The following QTMAN variants were observed in gnomAD, a reference collection of about 807,000 sequenced individuals.
QTMAN encodes tRNA-queuosine alpha-mannosyltransferase.
chr2:144,034,307 G>T, the QTMAN span, among the ~76,000 whole-genome samples: 1 of 152,156 alleles, frequency 6.6e-6, no homozygotes, highest in Non-Finnish European at 1.5e-5. Flanking sequence ...AAAGCTAGGT[G>T]TTTCATCCAT....
chr2:144,026,123 T>C, the QTMAN span, among the ~76,000 whole-genome samples: 1 of 152,054 alleles, frequency 6.6e-6, no homozygotes, highest in African/African-American at 2.4e-5. Flanking sequence ...GTGCTAAAGG[T>C]AGAAACCACA....
the QTMAN span, among the ~76,000 whole-genome samples, chr2:144,209,720 C>A: frequency 1.3e-5 from 2 of 152,150 alleles, no homozygotes; most frequent in African/African-American, 4.8e-5. Context: ...TAATATACAT[C>A]TCAAATTATA....
the QTMAN span, among the ~76,000 whole-genome samples, chr2:144,063,542 G>GT: frequency 6.6e-6 from 1 of 152,170 alleles, no homozygotes; most frequent in African/African-American, 2.4e-5. Context: ...TCTAAGATGA[G>GT]TAAGTGTACA....
At chr2:144,175,734 G>A in the QTMAN span, among the ~76,000 whole-genome samples, 11 of 151,964 alleles carry the variant, frequency 7.2e-5, no homozygotes, top group Middle Eastern at 3.4e-3. Flanking sequence ...CAGTGATCTC[G>A]GCTCACTGCA....
At chr2:144,248,468 C>T in the QTMAN span, among the ~76,000 whole-genome samples, 2 of 152,172 alleles carry the variant, frequency 1.3e-5, no homozygotes, top group East Asian at 1.9e-4. Context: ...TCACTCATGG[C>T]GCTATTTAAA....
At chr2:144,076,012 G>C in the QTMAN span, among the ~76,000 whole-genome samples, 41 of 152,358 alleles carry the variant, frequency 2.7e-4, no homozygotes, top group Non-Finnish European at 4.9e-4. Flanking sequence ...ACTTTGGGAG[G>C]ATGAGGCGGG....
the QTMAN span, among the ~76,000 whole-genome samples, chr2:144,104,412 C>T: frequency 7.9e-5 from 12 of 152,192 alleles, no homozygotes; most frequent in Admixed American, 7.9e-4. Flanking sequence ...CCCACCCTAA[C>T]GCTGCACTTT....
At chr2:144,187,211 G>C in the QTMAN span, among the ~76,000 whole-genome samples, 3 of 152,176 alleles carry the variant, frequency 2.0e-5, no homozygotes, top group Non-Finnish European at 4.4e-5. Context: ...TTAAAGAACA[G>C]AAGTTTATTT....
chr2:144,000,637 T>C, the QTMAN span, among the ~76,000 whole-genome samples: 1 of 152,028 alleles, frequency 6.6e-6, no homozygotes, highest in African/African-American at 2.4e-5. Flanking sequence ...TTATAAGGGT[T>C]ACTTAACTGT....
the QTMAN span, among the ~76,000 whole-genome samples, chr2:144,060,815 T>C: frequency 2.6e-5 from 4 of 152,246 alleles, no homozygotes; most frequent in South Asian, 8.3e-4. Flanking sequence ...TGTCCAAGCA[T>C]GTAAACAGAA....
At chr2:144,144,780 G>A in the QTMAN span, among the ~76,000 whole-genome samples, 1 of 151,908 alleles carries the variant, frequency 6.6e-6, no homozygotes, top group East Asian at 1.9e-4. Flanking sequence ...CAAGAATTGC[G>A]GGTCTGTTCA....
the QTMAN span, among the ~76,000 whole-genome samples, chr2:143,966,201 G>A: frequency 1.3e-5 from 2 of 152,182 alleles, no homozygotes; most frequent in Admixed American, 6.5e-5. Context: ...GGTTTCAGGC[G>A]AGTGACTTAA....
the QTMAN span, among the ~76,000 whole-genome samples, chr2:144,075,970 C>T: frequency 7.0e-4 from 107 of 152,300 alleles, 1 homozygote; most frequent in East Asian, 0.019. Context: ...TTATGTATGC[C>T]GGGTGCAGTG....
At chr2:144,133,586 A>G in the QTMAN span, among the ~76,000 whole-genome samples, 3 of 129,070 alleles carry the variant, frequency 2.3e-5, no homozygotes, top group African/African-American at 8.8e-5. Flanking sequence ...AAATATAAAT[A>G]CAAATATATA....
At chr2:144,328,788 C>T in the QTMAN span, among the ~76,000 whole-genome samples, 1 of 152,106 alleles carries the variant, frequency 6.6e-6, no homozygotes, top group Non-Finnish European at 1.5e-5. Context: ...GAAAGTAGTT[C>T]AAAGACGTCC....
the QTMAN span, among the ~76,000 whole-genome samples, chr2:144,075,099 C>T: frequency 2.6e-5 from 4 of 152,146 alleles, no homozygotes; most frequent in Admixed American, 2.0e-4. Context: ...CAATCTAGAG[C>T]TTTCTCACTG....
At chr2:143,981,423 A>C in the QTMAN span, among the ~76,000 whole-genome samples, 1 of 152,198 alleles carries the variant, frequency 6.6e-6, no homozygotes, top group African/African-American at 2.4e-5. Context: ...TCTTAATAAC[A>C]GGTTTTCATA....
At chr2:143,962,053 A>C in the QTMAN span, among the ~76,000 whole-genome samples, 1 of 152,088 alleles carries the variant, frequency 6.6e-6, no homozygotes, top group South Asian at 2.1e-4. Context: ...GGAGTGCTGC[A>C]GACTCCTCTT....
the QTMAN span, among the ~76,000 whole-genome samples, chr2:144,234,823 A>C: frequency 1.3e-5 from 2 of 152,140 alleles, no homozygotes; most frequent in African/African-American, 4.8e-5. Context: ...ATCTGTGTTG[A>C]GAAAGGCAGT....
Sources: gnomAD v4.1 joint callset for allele counts (sites outside exome capture counted in the v4.1 genomes callset) on GRCh38, gnomAD v4.1.1 for gene constraint, MANE v1.5 for transcripts, NCBI Gene and HGNC (gene_info 2026-07-23, HGNC 2026-07-21) for gene names.